Variants in PFKL observed in about 807,000 individuals in gnomAD.
PFKL encodes the protein phosphofructokinase, liver type.
In PFKL, 74 loss-of-function variants were observed where a neutral mutation model predicts 92.1. The observed-to-expected ratio is 0.80, with a 90% CI of 0.67 to 0.97. The LOEUF is 0.97. PFKL is among the 50% of genes least tolerant of loss of function. The pLI, the probability that PFKL is intolerant of heterozygous loss-of-function variation, is 0.00. For synonymous variants in PFKL, 494 were observed against 456.4 expected, an observed-to-expected ratio of 1.08 and a Z score of -1.05; for missense variants, 1,028 against 1,116.6, an observed-to-expected ratio of 0.92 and a Z score of 1.13.
chr21:44,313,605 G>C (rs1295930123), intron 5 of PFKL, 33 bp from the exon 6 acceptor site: 1 of 1,602,166 alleles, frequency 6.2e-7, no homozygotes, highest in Admixed American at 1.7e-5. Flanking sequence ...CGTGTGGCTG[G>C]CACTGATGCA....
intron 1 of PFKL, among the ~76,000 whole-genome samples, chr21:44,304,696 G>T (rs140180860): frequency 1.5e-5 from 2 of 135,368 alleles, no homozygotes; most frequent in Non-Finnish European, 3.2e-5. Flanking sequence ...GTCTGGGGGG[G>T]GCTCGGCTGT....
chr21:44,308,558 A>ATTTTTTTTTTTTTTTTTTTTTTT (rs368772998), intron 2 of PFKL, among the ~76,000 whole-genome samples: 1 of 137,606 alleles, frequency 7.3e-6, no homozygotes, highest in Non-Finnish European at 1.5e-5. Context: ...GGGGGGTAGG[A>ATTTTTTTTTTTTTTTTTTTTTTT]ATTTTTTTTT....
chr21:44,313,707 T>C, intron 6 of PFKL, 25 bp downstream of exon 6: 2 of 1,604,438 alleles, frequency 1.2e-6, no homozygotes, highest in Non-Finnish European at 1.7e-6. Context: ...CCTGGCCCGC[T>C]GGGTGGCCCG....
intron 16 of PFKL, 123 bp from the exon 17 acceptor site, chr21:44,324,368 G>A: frequency 2.0e-6 from 2 of 975,958 alleles, no homozygotes; most frequent in East Asian, 5.2e-5. Flanking sequence ...GCTGCTGGCT[G>A]TCTGGGTGCG....
intron 9 of PFKL, among the ~76,000 whole-genome samples, chr21:44,317,486 C>T (rs1020851269): frequency 1.4e-4 from 21 of 152,192 alleles, no homozygotes; most frequent in Admixed American, 7.9e-4. Context: ...GCAAGCCAGC[C>T]GCTGCTGAGC....
intron 21 of PFKL, 30 bp downstream of exon 21, chr21:44,326,294 G>A (rs1250268701): frequency 1.9e-5 from 29 of 1,529,948 alleles, no homozygotes; most frequent in Non-Finnish European, 2.6e-5. Flanking sequence ...CGTGGAGGCG[G>A]GTGGGGCTGA....
At chr21:44,308,210 G>A (rs1325456771) in intron 2 of PFKL, among the ~76,000 whole-genome samples, 1 of 152,166 alleles carries the variant, frequency 6.6e-6, no homozygotes, top group Non-Finnish European at 1.5e-5. Context: ...CTGTCCAGGC[G>A]GTAACAGGAG....
chr21:44,326,815 C>T lies in PFKL; in HGVS notation c.2296C>T (p.Leu766=), dbSNP rs1049049916. ...ISMAAYVSGE[L]EHVTRRTLSM... ...TATGGCCGCCTACGTGTCAGGGGAG[C>T]TGGAGCACGTGACCCGCCGCACCCT... The change falls in exon 22 of 22, where the codon CTG becomes TTG. Residue 766 remains leucine (L), a synonymous_variant. Coordinates refer to ENST00000349048, the MANE Select transcript of PFKL (RefSeq NM_002626.6). 3.1e-6 allele frequency: 5 copies of T among 1,605,960 alleles called. No homozygotes were observed. Among genetic ancestry groups the T allele is most frequent in the Non-Finnish European group, 4.3e-6 (5 of 1,176,400 alleles).
At position 44,324,994 on chromosome 21, in the gene PFKL, TG is replaced by T. The variant is rs1358076321; in HGVS notation, c.1877+80del. 3.5e-6 allele frequency: 5 copies of T among 1,418,504 alleles called. No individual in the cohort carries two copies. The African/African-American group carries it at 7.1e-5, about 20-fold the overall frequency. The allele number at this position is 1,418,504 out of a possible 1,614,324, so 87.9% of individuals were successfully genotyped here. Reference sequence around the variant, plus strand: ...TGGGGTGGGGCTGCTGAGGAGCGGCTGGGCAGGAGAAGGCAGGAGGGGTCCT... The same window carrying T: ...TGGGGTGGGGCTGCTGAGGAGCGGCTGGCAGGAGAAGGCAGGAGGGGTCCT... On this transcript the variant is annotated intron_variant, in intron 18 of 21. Transcript: ENST00000349048.
At chr21:44,302,091 G>A (rs2040791687) in intron 1 of PFKL, among the ~76,000 whole-genome samples, 1 of 152,246 alleles carries the variant, frequency 6.6e-6, no homozygotes, top group Non-Finnish European at 1.5e-5. Context: ...TGAGCTGGGG[G>A]TTCCAACTGC....
At position 44,306,207 on chromosome 21, in the gene PFKL, G is replaced by A. The variant is rs562651306; in HGVS notation, c.86-474G>A. Among the ~76,000 whole-genome samples, 12 of 122,364 alleles carry A rather than the reference G, an allele frequency of 9.8e-5. No homozygotes were observed. In the East Asian group the frequency reaches 3.2e-3, roughly 32 times the overall value. The allele number at this position is 122,364 out of a possible 152,430, so 80.3% of individuals were successfully genotyped here. A position where few individuals can be genotyped will look rare whatever the true frequency, so the allele number is the denominator to read the frequency against. On this transcript the variant is annotated intron_variant, in intron 1 of 21. Coordinates refer to ENST00000349048, the MANE Select transcript of PFKL (RefSeq NM_002626.6). ...TGCTCTGTGGTCAAGGCCTGGCCCCGTGGCCTGTGAGTGTGGGGGCTCCGT... is the reference window on the plus strand; with the variant it reads ...TGCTCTGTGGTCAAGGCCTGGCCCCATGGCCTGTGAGTGTGGGGGCTCCGT...
chr21:44,318,926 A>C (rs768143927), intron 10 of PFKL, among the ~76,000 whole-genome samples: 2 of 152,090 alleles, frequency 1.3e-5, no homozygotes, highest in Non-Finnish European at 2.9e-5. Context: ...GGGGCCAGTG[A>C]TCAGAGCAGA....
At chr21:44,301,415 G>A (rs2040770723) in intron 1 of PFKL, among the ~76,000 whole-genome samples, 1 of 151,910 alleles carries the variant, frequency 6.6e-6, no homozygotes. Context: ...TCTGGGTCAC[G>A]CCTTTCCTGT....
chr21:44,313,215 TG>T (rs2047104171), intron 5 of PFKL, 72 bp downstream of exon 5: 1 of 1,538,456 alleles, frequency 6.5e-7, no homozygotes, highest in South Asian at 1.1e-5. Flanking sequence ...GGTCTCAGGG[TG>T]ACGGCCATCT....
chr21:44,326,607 G>A (rs2047518695), intron 21 of PFKL, 108 bp from the exon 22 acceptor site: 2 of 1,324,868 alleles, frequency 1.5e-6, no homozygotes, highest in Non-Finnish European at 2.0e-6. Flanking sequence ...CAGACAGAGG[G>A]GCATGCACAG....
Position 44,326,487 on chromosome 21 carries a change from C to A in PFKL, c.2195+223C>A, listed in dbSNP as rs571226063. On this transcript the variant is annotated intron_variant, in intron 21 of 21. Coordinates refer to ENST00000349048, the MANE Select transcript of PFKL (RefSeq NM_002626.6). ...CTTTCGGGTGGGCATGGGGGCACAG[C>A]GGGTAGCCAGGAGTGGGCACGCTTG... is the stretch of plus-strand genomic sequence containing the variant. Among the ~76,000 whole-genome samples the A allele has an allele frequency of 2.1e-3, 318 of 152,312 alleles. 4 individuals carry two copies. Among genetic ancestry groups the A allele is most frequent in the Middle Eastern group, 0.01 (3 of 294 alleles).
chr21:44,308,558 A>AT (rs368772998), intron 2 of PFKL, among the ~76,000 whole-genome samples: 16,823 of 137,468 alleles, frequency 0.12, 1,215 homozygotes, highest in East Asian at 0.34. Context: ...GGGGGGTAGG[A>AT]ATTTTTTTTT....
intron 13 of PFKL, 49 bp from the exon 14 acceptor site, chr21:44,322,084 T>C (rs2047371146): frequency 6.4e-7 from 1 of 1,564,580 alleles, no homozygotes; most frequent in East Asian, 2.3e-5. Context: ...CTGGGGGGAA[T>C]TGGCCAGAGG....
At chr21:44,320,663 A>AG (rs1174077088) in intron 12 of PFKL, 1 of 152,750 alleles carries the variant, frequency 6.5e-6, no homozygotes, top group Admixed American at 6.5e-5. Context: ...TGGGAGGTGG[A>AG]GGGTGCAGTG....
Sources: gnomAD v4.1 joint callset for allele counts (sites outside exome capture counted in the v4.1 genomes callset) on GRCh38, gnomAD v4.1.1 for gene constraint, MANE v1.5 for transcripts, NCBI Gene and HGNC (gene_info 2026-07-23, HGNC 2026-07-21) for gene names.